Variants in FER observed in about 807,000 individuals in gnomAD.
FER encodes the protein FER tyrosine kinase.
Under a neutral mutation model 111.0 loss-of-function variants are expected in FER, and 63 were observed. That is an observed-to-expected ratio of 0.57 (90% CI 0.46 to 0.70). The LOEUF is 0.70. FER is among the 30% of genes least tolerant of loss of function. The probability of loss-of-function intolerance (pLI) is 0.00; values close to 1 mark genes in which losing one functional copy is unlikely to be tolerated. For missense variants in FER, 914 were observed against 954.0 expected, an observed-to-expected ratio of 0.96 and a Z score of 0.55; for synonymous variants, 327 against 313.9, an observed-to-expected ratio of 1.04 and a Z score of -0.44.
chr5:109,152,499 T>C (rs922013696), intron 17 of FER, among the ~76,000 whole-genome samples: 1 of 151,984 alleles, frequency 6.6e-6, no homozygotes, highest in Non-Finnish European at 1.5e-5. Flanking sequence ...TTAATAAATA[T>C]AAATGTCAGG....
chr5:108,884,512 G>GTTTTTTTTTTTTTT (rs776345488), intron 9 of FER, among the ~76,000 whole-genome samples: 3 of 144,586 alleles, frequency 2.1e-5, no homozygotes, highest in African/African-American at 7.7e-5. Flanking sequence ...CTTATGCCTG[G>GTTTTTTTTTTTTTT]TTTTTTTTTT....
chr5:108,774,804 A>G (rs1753311182), intron 2 of FER, among the ~76,000 whole-genome samples: 1 of 151,832 alleles, frequency 6.6e-6, no homozygotes, highest in Non-Finnish European at 1.5e-5. Flanking sequence ...CTTTTGTCAC[A>G]TGGGTAGATT....
chr5:109,157,884 A>G (rs1755572849), intron 17 of FER, among the ~76,000 whole-genome samples: 1 of 152,130 alleles, frequency 6.6e-6, no homozygotes, highest in African/African-American at 2.4e-5. Flanking sequence ...CACGAAGCTG[A>G]CATTTGAGAC....
rs115214896 is a variant in FER, at chr5:108,809,140, A to C, written c.207+10751A>C. Reference sequence around the variant, plus strand: ...TTTGTATGTGGATATCTACCTCTCCAGTAAGATTAGGGAAACTTTTTTTGT... The same window carrying C: ...TTTGTATGTGGATATCTACCTCTCCCGTAAGATTAGGGAAACTTTTTTTGT... On this transcript the variant is annotated intron_variant, in intron 3 of 19. Coordinates refer to ENST00000281092, the MANE Select transcript of FER (RefSeq NM_005246.4). 3.6e-3 allele frequency among the ~76,000 whole-genome samples: 552 copies of C among 152,286 alleles called. 4 individuals carry two copies. Among genetic ancestry groups the C allele is most frequent in the African/African-American group, 0.013 (529 of 41,554 alleles).
intron 16 of FER, among the ~76,000 whole-genome samples, chr5:109,088,836 T>A (rs1344647665): frequency 6.6e-6 from 1 of 152,124 alleles, no homozygotes; most frequent in East Asian, 1.9e-4. Context: ...TAACCCCAGA[T>A]GGATGAAGTT....
At chr5:108,892,922 G>A (rs1748374355) in intron 9 of FER, among the ~76,000 whole-genome samples, 1 of 152,126 alleles carries the variant, frequency 6.6e-6, no homozygotes, top group Non-Finnish European at 1.5e-5. Flanking sequence ...TATTAAATAG[G>A]GAATCCTTTC....
chr5:108,962,034 T>A (rs540983747), intron 13 of FER, among the ~76,000 whole-genome samples: 1 of 152,314 alleles, frequency 6.6e-6, no homozygotes, highest in South Asian at 2.1e-4. Context: ...AATATGTTTA[T>A]CATCATAATG....
intron 12 of FER, 101 bp from the exon 13 acceptor site, chr5:108,959,124 C>A (rs1252873976): frequency 8.4e-7 from 1 of 1,188,298 alleles, no homozygotes; most frequent in Non-Finnish European, 1.2e-6. Context: ...CATTGTTGTG[C>A]AATTATAGTT....
chr5:109,116,326 AT>A (rs761679873), intron 17 of FER, among the ~76,000 whole-genome samples: 13 of 149,888 alleles, frequency 8.7e-5, no homozygotes, highest in Non-Finnish European at 1.5e-4. Flanking sequence ...TAAAAGAATT[AT>A]TTTATCTATA....
chr5:108,893,730 G>T (rs969771702), intron 9 of FER, among the ~76,000 whole-genome samples: 1 of 152,058 alleles, frequency 6.6e-6, no homozygotes, highest in South Asian at 2.1e-4. Flanking sequence ...ACTGTGTGGG[G>T]CAAGCAAAAG....
chr5:108,767,299 T>C (rs1486321397), intron 1 of FER, among the ~76,000 whole-genome samples: 1 of 152,124 alleles, frequency 6.6e-6, no homozygotes, highest in East Asian at 1.9e-4. Flanking sequence ...TGAGACTCCA[T>C]CTCAAACAAA....
chr5:108,781,174 C>G (rs146679761), intron 2 of FER, among the ~76,000 whole-genome samples: 2 of 152,212 alleles, frequency 1.3e-5, no homozygotes, highest in Non-Finnish European at 2.9e-5. Flanking sequence ...TACTAGCTCT[C>G]TTTCTTCAGA....
rs191127949 is a variant in FER, at chr5:108,858,237, T to C, written c.482-9530T>C. ...TTTATATATTTGCAACTGCTTTCTCTGGCAGTGAGAAACCTAGCTTCTGTT... is the reference window on the plus strand; with the variant it reads ...TTTATATATTTGCAACTGCTTTCTCCGGCAGTGAGAAACCTAGCTTCTGTT... On this transcript the variant is annotated intron_variant, in intron 5 of 19. Coordinates refer to ENST00000281092, the MANE Select transcript of FER (RefSeq NM_005246.4). 2.7e-3 allele frequency among the ~76,000 whole-genome samples: 411 copies of C among 152,342 alleles called. 2 individuals carry two copies. Among genetic ancestry groups the C allele is most frequent in the African/African-American group, 9.3e-3 (387 of 41,582 alleles).
chr5:109,074,635 A>G (rs1776120015), intron 16 of FER, among the ~76,000 whole-genome samples: 1 of 152,228 alleles, frequency 6.6e-6, no homozygotes. Flanking sequence ...GCTCAAAGTA[A>G]ATTAAAGAGG....
At chr5:108,907,285 CTTCTTTTCTT>C (rs532809048) in intron 10 of FER, among the ~76,000 whole-genome samples, 47 of 151,618 alleles carry the variant, frequency 3.1e-4, no homozygotes, top group South Asian at 8.4e-4. Flanking sequence ...AATTAGCCAA[CTTCTTTTCTT>C]TTCTTTTCTT....
At chr5:108,932,951 T>C (rs1317559897) in intron 10 of FER, among the ~76,000 whole-genome samples, 1 of 152,010 alleles carries the variant, frequency 6.6e-6, no homozygotes, top group African/African-American at 2.4e-5. Context: ...GTTGTTCTTT[T>C]CTTGTAAATT....
intron 14 of FER, 113 bp downstream of exon 14, chr5:109,037,591 A>G (rs1169198443): frequency 2.7e-6 from 2 of 731,712 alleles, no homozygotes; most frequent in East Asian, 5.2e-5. Flanking sequence ...CACATTACAC[A>G]TTAACTAGAA....
chr5:108,900,871 C>G (rs1749912329), intron 10 of FER, among the ~76,000 whole-genome samples: 1 of 152,162 alleles, frequency 6.6e-6, no homozygotes, highest in South Asian at 2.1e-4. Context: ...TATTTTAGCT[C>G]TATGAGTCAA....
chr5:109,184,750 G>A (rs553622406), intron 18 of FER, among the ~76,000 whole-genome samples: 23 of 152,294 alleles, frequency 1.5e-4, no homozygotes, highest in African/African-American at 3.6e-4. Flanking sequence ...TAAGAAGGAC[G>A]CTACTTCACA....
Sources: allele counts gnomAD v4.1 joint callset (sites outside exome capture counted in the v4.1 genomes callset), GRCh38; gene constraint gnomAD v4.1.1; transcripts MANE v1.5; gene names NCBI Gene and HGNC (gene_info 2026-07-23, HGNC 2026-07-21).